Variants in PRKG1 observed in about 807,000 individuals in gnomAD.
PRKG1 encodes the protein cGMP-dependent protein kinase 1.
A neutral mutation model predicts 88.1 loss-of-function variants in PRKG1; 35 were observed. The observed-to-expected ratio is 0.40, with a 90% CI of 0.30 to 0.53. The LOEUF (loss-of-function observed/expected upper bound fraction) is 0.53, where lower values mean the gene tolerates loss of function less well. PRKG1 is among the 20% of genes least tolerant of loss of function. The pLI, the probability that PRKG1 is intolerant of heterozygous loss-of-function variation, is 0.59. For synonymous variants in PRKG1, 303 were observed against 292.5 expected, an observed-to-expected ratio of 1.04 and a Z score of -0.37; for missense variants, 540 against 839.8, an observed-to-expected ratio of 0.64 and a Z score of 4.41.
chr10:51,479,988 C>T (rs1033289623), intron 3 of PRKG1, among the ~76,000 whole-genome samples: 1 of 148,698 alleles, frequency 6.7e-6, no homozygotes, highest in South Asian at 2.2e-4. Context: ...ATTTTAATTG[C>T]TCAGCAGAGC....
intron 3 of PRKG1, among the ~76,000 whole-genome samples, chr10:51,743,737 AATATATATAT>A (rs369411662): frequency 2.5e-5 from 1 of 40,386 alleles, no homozygotes; most frequent in African/African-American, 8.6e-5. Flanking sequence ...ATATAAACTA[AATATATATAT>A]ATATATATAT....
At chr10:51,468,949 T>C (rs1298227205) in intron 3 of PRKG1, among the ~76,000 whole-genome samples, 1 of 151,878 alleles carries the variant, frequency 6.6e-6, no homozygotes. Flanking sequence ...TTGGATTCAC[T>C]GTAACACCAA....
rs773580773 is a variant in PRKG1, at chr10:51,631,404, G to A, written c.592+163568G>A. 9.9e-5 allele frequency among the ~76,000 whole-genome samples: 15 copies of A among 152,114 alleles called. 1 individual carries two copies. The highest frequency in any genetic ancestry group is 3.4e-4 in the African/African-American group (14 of 41,410). ...CCATGCATGGACTAAAATTAGTGTC[G>A]GATTCTGACTTAAATCCTGCCACCA... On this transcript the variant is annotated intron_variant, in intron 3 of 17. Coordinates refer to ENST00000373980, the MANE Select transcript of PRKG1 (RefSeq NM_006258.4).
intron 3 of PRKG1, among the ~76,000 whole-genome samples, chr10:51,785,375 G>C (rs1280436528): frequency 6.6e-6 from 1 of 151,714 alleles, no homozygotes; most frequent in Non-Finnish European, 1.5e-5. Flanking sequence ...ACTGTTTCCT[G>C]GTTGGAATAA....
chr10:51,776,093 G>C (rs898420820), intron 3 of PRKG1, among the ~76,000 whole-genome samples: 1 of 152,110 alleles, frequency 6.6e-6, no homozygotes, highest in African/African-American at 2.4e-5. Context: ...ACCTATTTCA[G>C]TGGGTTGTGA....
intron 1 of PRKG1, among the ~76,000 whole-genome samples, chr10:51,018,144 A>G (rs572502862): frequency 7.9e-5 from 12 of 152,250 alleles, no homozygotes; most frequent in African/African-American, 2.6e-4. Flanking sequence ...ACATATATTA[A>G]TTAATTTAAT....
chr10:51,774,946 G>T (rs1196825649), intron 3 of PRKG1, among the ~76,000 whole-genome samples: 1 of 151,970 alleles, frequency 6.6e-6, no homozygotes, highest in East Asian at 1.9e-4. Flanking sequence ...TAGTAACCAA[G>T]CTTTAAATTT....
chr10:51,813,236 T>C (rs2132627193), intron 4 of PRKG1, among the ~76,000 whole-genome samples: 1 of 152,250 alleles, frequency 6.6e-6, no homozygotes, highest in African/African-American at 2.4e-5. Context: ...TAATAAGTCA[T>C]TGGCAAAAAA....
At chr10:51,942,449 T>G (rs972619238) in intron 5 of PRKG1, among the ~76,000 whole-genome samples, 1 of 151,236 alleles carries the variant, frequency 6.6e-6, no homozygotes, top group African/African-American at 2.4e-5. Flanking sequence ...AGAAGCTCTT[T>G]AGTTTAATTA....
chr10:51,179,215 C>A (rs569681798), intron 2 of PRKG1, among the ~76,000 whole-genome samples: 9 of 152,256 alleles, frequency 5.9e-5, no homozygotes, highest in African/African-American at 2.2e-4. Flanking sequence ...AAAGTAAATT[C>A]TTTGGACTCT....
At chr10:51,734,777 G>GA (rs2132477230) in intron 3 of PRKG1, among the ~76,000 whole-genome samples, 1 of 152,262 alleles carries the variant, frequency 6.6e-6, no homozygotes, top group African/African-American at 2.4e-5. Flanking sequence ...CTACTCCACT[G>GA]AAAAGTTCAA....
At chr10:51,341,886 G>T (rs1270068791) in intron 2 of PRKG1, among the ~76,000 whole-genome samples, 9 of 152,156 alleles carry the variant, frequency 5.9e-5, no homozygotes, top group Non-Finnish European at 1.3e-4. Flanking sequence ...GAGAGCTTGT[G>T]CAGGGGAACT....
At chr10:51,144,728 A>G (rs1039661921) in intron 1 of PRKG1, among the ~76,000 whole-genome samples, 4 of 152,156 alleles carry the variant, frequency 2.6e-5, no homozygotes, top group Non-Finnish European at 4.4e-5. Flanking sequence ...ACGCAAAACA[A>G]TGGTTGGAGG....
intron 3 of PRKG1, among the ~76,000 whole-genome samples, chr10:51,535,698 TA>T (rs1184232265): frequency 5.4e-5 from 8 of 149,446 alleles, no homozygotes; most frequent in Non-Finnish European, 8.9e-5. Flanking sequence ...TTTTAAAGAT[TA>T]AAAAGAAAGG....
intron 12 of PRKG1, among the ~76,000 whole-genome samples, chr10:52,276,296 A>G (rs1220266390): frequency 5.3e-5 from 8 of 152,068 alleles, no homozygotes; most frequent in Non-Finnish European, 8.8e-5. Context: ...ACTTTTCTCC[A>G]TTCAGTATTA....
chr10:51,151,164 A>C (rs1264612447), intron 1 of PRKG1, among the ~76,000 whole-genome samples: 2 of 151,736 alleles, frequency 1.3e-5, no homozygotes. Context: ...AATTTTTAGG[A>C]AAGAGAAAAC....
chr10:51,969,369 A>C (rs1447701763), intron 5 of PRKG1, among the ~76,000 whole-genome samples: 1 of 152,152 alleles, frequency 6.6e-6, no homozygotes, highest in Non-Finnish European at 1.5e-5. Context: ...TTCACACAAA[A>C]CCCATCAGAG....
chr10:51,006,454 T>C (rs1262087509), intron 1 of PRKG1, among the ~76,000 whole-genome samples: 1 of 152,242 alleles, frequency 6.6e-6, no homozygotes, highest in Non-Finnish European at 1.5e-5. Context: ...TTATCATTTA[T>C]TGATTCTGAC....
At chr10:51,166,624 C>A (rs915857764) in intron 2 of PRKG1, among the ~76,000 whole-genome samples, 3 of 152,096 alleles carry the variant, frequency 2.0e-5, no homozygotes, top group African/African-American at 7.2e-5. Context: ...TTCATTTAAT[C>A]CTGTGGATTT....
Sources: gnomAD v4.1 joint callset for allele counts (sites outside exome capture counted in the v4.1 genomes callset) on GRCh38, gnomAD v4.1.1 for gene constraint, MANE v1.5 for transcripts, NCBI Gene and HGNC (gene_info 2026-07-23, HGNC 2026-07-21) for gene names.